The following NTM variants were observed in gnomAD, a reference collection of about 807,000 sequenced individuals.
NTM encodes IgLON family member 2.
In NTM, 13 loss-of-function variants were observed where a neutral mutation model predicts 42.1. That is an observed-to-expected ratio of 0.31 (90% confidence interval 0.20 to 0.49). The LOEUF is 0.49. NTM is among the 20% of genes least tolerant of loss of function. The probability of loss-of-function intolerance (pLI) is 0.99; values close to 1 mark genes in which losing one functional copy is unlikely to be tolerated. For synonymous variants in NTM, 187 were observed against 179.2 expected (o/e 1.04, Z -0.35); for missense variants, 373 against 452.8 (o/e 0.82, Z 1.60).
At chr11:131,437,691 G>A (rs1293459519) in intron 1 of NTM, among the ~76,000 whole-genome samples, 3 of 152,182 alleles carry the variant, frequency 2.0e-5, no homozygotes, top group Non-Finnish European at 2.9e-5. Context: ...CTGCATGTGA[G>A]ATGGGTCTCC....
intron 1 of NTM, among the ~76,000 whole-genome samples, chr11:131,417,721 C>G (rs1158589126): frequency 1.3e-5 from 2 of 152,208 alleles, no homozygotes; most frequent in Admixed American, 6.5e-5. Flanking sequence ...AGAACCTAAA[C>G]TATCATAACT....
intron 2 of NTM, among the ~76,000 whole-genome samples, chr11:131,941,913 A>G (rs1172649236): frequency 6.6e-6 from 1 of 152,120 alleles, no homozygotes; most frequent in Admixed American, 6.5e-5. Context: ...ATCCATATTA[A>G]AGAACACACT....
intron 1 of NTM, chr11:131,534,704 T>C (rs186270222): frequency 1.9e-4 from 29 of 152,370 alleles, no homozygotes; most frequent in Admixed American, 1.7e-3. Context: ...AACCGTCACA[T>C]TGATTTCCCT....
chr11:131,498,322 C>T (rs907166143), intron 1 of NTM, among the ~76,000 whole-genome samples: 1 of 152,182 alleles, frequency 6.6e-6, no homozygotes, highest in Non-Finnish European at 1.5e-5. Flanking sequence ...TATTACCCAC[C>T]TTCCAGAGTG....
chr11:131,876,860 C>CTT (rs112400063), intron 1 of NTM, among the ~76,000 whole-genome samples: 23 of 143,530 alleles, frequency 1.6e-4, no homozygotes, highest in East Asian at 1.0e-3. Context: ...CAAAGCATAA[C>CTT]TTTTTTTTTT....
chr11:132,010,986 C>G (rs2072043101), intron 2 of NTM, among the ~76,000 whole-genome samples: 1 of 151,308 alleles, frequency 6.6e-6, no homozygotes, highest in South Asian at 2.1e-4. Flanking sequence ...TGAAAGTGAC[C>G]TGATATTTAC....
intron 1 of NTM, among the ~76,000 whole-genome samples, chr11:131,864,160 G>T (rs573969578): frequency 7.9e-5 from 12 of 152,296 alleles, no homozygotes; most frequent in Middle Eastern, 3.4e-3. Flanking sequence ...TCTAATTTAG[G>T]ATGTTATATA....
chr11:131,636,641 T>C (rs2064433474), intron 1 of NTM, among the ~76,000 whole-genome samples: 1 of 152,184 alleles, frequency 6.6e-6, no homozygotes, highest in South Asian at 2.1e-4. Flanking sequence ...CTGCGCTGTT[T>C]GTGCGCTGCT....
chr11:131,538,576 CG>C (rs1298119068), intron 1 of NTM: 2 of 152,310 alleles, frequency 1.3e-5, no homozygotes, highest in African/African-American at 4.8e-5. Flanking sequence ...TGCCTGATCA[CG>C]GGGCTGGAGG....
At chr11:132,032,176 C>T (rs763800481) in intron 2 of NTM, among the ~76,000 whole-genome samples, 12 of 152,138 alleles carry the variant, frequency 7.9e-5, no homozygotes, top group East Asian at 1.9e-4. Context: ...GCCATTCCAC[C>T]GCCTGTCTCT....
chr11:132,199,549 C>T (rs761226357), intron 3 of NTM, among the ~76,000 whole-genome samples: 3 of 152,166 alleles, frequency 2.0e-5, no homozygotes, highest in African/African-American at 4.8e-5. Context: ...CAGGTGACCT[C>T]TTCCCCTCTG....
intron 1 of NTM, among the ~76,000 whole-genome samples, chr11:131,414,787 C>T (rs1164001348): frequency 1.3e-5 from 2 of 152,224 alleles, no homozygotes; most frequent in African/African-American, 4.8e-5. Flanking sequence ...GTCCTGCCTT[C>T]CTGTCAATGT....
chr11:131,762,912 G>A (rs1003641931), intron 1 of NTM, among the ~76,000 whole-genome samples: 1 of 152,204 alleles, frequency 6.6e-6, no homozygotes, highest in Non-Finnish European at 1.5e-5. Context: ...ACCGCTGAGC[G>A]ATGCCATGTG....
chr11:131,630,664 G>A (rs1035850924), intron 1 of NTM, among the ~76,000 whole-genome samples: 19 of 152,170 alleles, frequency 1.2e-4, no homozygotes, highest in Non-Finnish European at 8.8e-5. Context: ...ATCAAGATCC[G>A]ATAGGCTCTT....
intron 2 of NTM, among the ~76,000 whole-genome samples, chr11:132,095,634 G>C (rs1011800023): frequency 6.6e-6 from 1 of 152,186 alleles, no homozygotes; most frequent in Non-Finnish European, 1.5e-5. Flanking sequence ...TAGTCGGCAT[G>C]CATGTCCAAA....
chr11:131,554,129 A>G (rs2136936982), intron 1 of NTM, among the ~76,000 whole-genome samples: 1 of 152,326 alleles, frequency 6.6e-6, no homozygotes, highest in Admixed American at 6.5e-5. Context: ...GTTCTTATGT[A>G]CTAACACAGG....
At chr11:132,331,184 G>A (rs1480179387) in intron 8 of NTM, among the ~76,000 whole-genome samples, 1 of 152,250 alleles carries the variant, frequency 6.6e-6, no homozygotes, top group African/African-American at 2.4e-5. Context: ...GAAGACAGAA[G>A]TCAAGAGACT....
At chr11:131,825,503 T>G (rs10791174) in intron 1 of NTM, among the ~76,000 whole-genome samples, 66,062 of 151,994 alleles carry the variant, frequency 0.43, 17,542 homozygotes, top group East Asian at 0.85. Context: ...ACGGACTTGG[T>G]TCTTTATCCT....
intron 4 of NTM, among the ~76,000 whole-genome samples, chr11:132,300,497 G>C (rs1217294196): frequency 6.6e-6 from 1 of 152,228 alleles, no homozygotes; most frequent in African/African-American, 2.4e-5. Flanking sequence ...GCAGCCGGGG[G>C]AAGTGGTGCT....
Sources: gnomAD v4.1 joint callset for allele counts (sites outside exome capture counted in the v4.1 genomes callset) on GRCh38, gnomAD v4.1.1 for gene constraint, MANE v1.5 for transcripts, NCBI Gene and HGNC (gene_info 2026-07-23, HGNC 2026-07-21) for gene names.